Variants in TESK2 observed in about 807,000 individuals in gnomAD.
TESK2 encodes testis associated actin remodelling kinase 2, also known as dual specificity testis-specific protein kinase 2.
TESK2 carries 39 observed loss-of-function variants against 57.1 expected under a neutral mutation model. The observed-to-expected ratio is 0.68, with a 90% CI of 0.53 to 0.89. TESK2 has a LOEUF of 0.89. Among genes scored for constraint, TESK2 ranks in the 40% least tolerant of loss-of-function variants. The pLI, the probability that TESK2 is intolerant of heterozygous loss-of-function variation, is 0.00. For missense variants in TESK2, 646 were observed against 732.1 expected (o/e 0.88, Z 1.36); for synonymous variants, 249 against 267.9 (o/e 0.93, Z 0.69).
chr1:45,417,125 C>T (rs577523005), intron 3 of TESK2, among the ~76,000 whole-genome samples: 1 of 152,124 alleles, frequency 6.6e-6, no homozygotes, highest in Non-Finnish European at 1.5e-5. Flanking sequence ...TTTTAGAGTT[C>T]ATACATAAAT....
chr1:45,439,032 C>T lies in TESK2; in HGVS notation c.223-17186G>A, dbSNP rs182040800. 3.7e-4 allele frequency among the ~76,000 whole-genome samples: 56 copies of T among 152,212 alleles called. 1 individual carries two copies. The highest frequency in any genetic ancestry group is 1.1e-3 in the African/African-American group (46 of 41,538). On this transcript the variant is annotated intron_variant, in intron 2 of 10. Transcript: ENST00000372086. The stretch of plus-strand genomic sequence containing the variant: ...TGACACTGAGGCCACCGTAGAAGCA[C>T]CAGCATTTTGAGATCCAGTATCTAA...
chr1:45,467,317 T>C (rs1652590232), intron 1 of TESK2, among the ~76,000 whole-genome samples: 1 of 152,142 alleles, frequency 6.6e-6, no homozygotes. Flanking sequence ...TGCATTTAAA[T>C]TTTTTTAATT....
chr1:45,480,878 C>T (rs1049383142), intron 1 of TESK2, among the ~76,000 whole-genome samples: 1 of 151,510 alleles, frequency 6.6e-6, no homozygotes, highest in Non-Finnish European at 1.5e-5. Context: ...ATCCCAGCTA[C>T]TCAGGAGGCT....
At chr1:45,406,725 C>CA (rs1474696918) in intron 3 of TESK2, among the ~76,000 whole-genome samples, 4 of 152,100 alleles carry the variant, frequency 2.6e-5, no homozygotes, top group African/African-American at 9.7e-5. Context: ...CATGTGGTCC[C>CA]AGTCATCATG....
At chr1:45,408,818 C>T (rs1444008741) in intron 3 of TESK2, among the ~76,000 whole-genome samples, 4 of 152,052 alleles carry the variant, frequency 2.6e-5, no homozygotes, top group Non-Finnish European at 5.9e-5. Flanking sequence ...GACTATCCCC[C>T]CATCTCCTCT....
intron 3 of TESK2, among the ~76,000 whole-genome samples, chr1:45,401,057 A>C (rs1649576646): frequency 6.7e-6 from 1 of 148,598 alleles, no homozygotes; most frequent in African/African-American, 2.5e-5. Context: ...GTGAAGAAAG[A>C]GGTGTGACAT....
chr1:45,388,025 T>C (rs1392240152), intron 3 of TESK2, among the ~76,000 whole-genome samples: 1 of 152,062 alleles, frequency 6.6e-6, no homozygotes, highest in Non-Finnish European at 1.5e-5. Flanking sequence ...AATAAATTGA[T>C]TAATTAATTA....
intron 2 of TESK2, among the ~76,000 whole-genome samples, chr1:45,444,016 A>G (rs1043755051): frequency 7.9e-5 from 12 of 152,120 alleles, no homozygotes; most frequent in African/African-American, 2.9e-4. Context: ...TATCTCTACA[A>G]AAAAATTTAA....
intron 2 of TESK2, among the ~76,000 whole-genome samples, chr1:45,452,178 C>A (rs757046902): frequency 3.3e-5 from 5 of 152,074 alleles, no homozygotes; most frequent in African/African-American, 1.2e-4. Context: ...TCAGGCTGCA[C>A]AAAATTCTTC....
intron 5 of TESK2, among the ~76,000 whole-genome samples, chr1:45,350,529 A>C (rs906131578): frequency 6.6e-6 from 1 of 152,236 alleles, no homozygotes; most frequent in African/African-American, 2.4e-5. Context: ...CTAAGATTCT[A>C]CTGAAAGACT....
intron 2 of TESK2, among the ~76,000 whole-genome samples, chr1:45,434,350 A>G (rs1406174407): frequency 1.3e-5 from 2 of 152,040 alleles, no homozygotes; most frequent in African/African-American, 4.8e-5. Flanking sequence ...GCTGGGGTGC[A>G]GTGGCATGAT....
At chr1:45,477,866 T>G (rs1440953995) in intron 1 of TESK2, among the ~76,000 whole-genome samples, 2 of 152,180 alleles carry the variant, frequency 1.3e-5, no homozygotes, top group Non-Finnish European at 2.9e-5. Context: ...ACCCTTCTGA[T>G]GTAGTGTTGA....
intron 4 of TESK2, among the ~76,000 whole-genome samples, chr1:45,376,217 T>C (rs1345110631): frequency 1.1e-4 from 15 of 135,992 alleles, no homozygotes; most frequent in East Asian, 4.2e-4. Flanking sequence ...CTCTCTCTTT[T>C]TTTTTTTTTT....
chr1:45,421,745 G>A lies in TESK2; in HGVS notation c.324C>T (p.Leu108=). ...MLKEVQLMNR[L]SHPNILRFMG... ...ATTACCTAAGGATGTTGGGATGGGAGAGTCTATTCATGAGCTGTACTTCTT... is the reference window on the plus strand; with the variant it reads ...ATTACCTAAGGATGTTGGGATGGGAAAGTCTATTCATGAGCTGTACTTCTT... The change falls in exon 3 of 11, where the codon CTC becomes CTT. Residue 108 remains leucine (L), a synonymous_variant. Coordinates refer to ENST00000372086, the MANE Select transcript of TESK2 (RefSeq NM_007170.3). The A allele has an allele frequency of 6.2e-7, 1 of 1,614,078 alleles. No individual in the cohort carries two copies. The highest frequency in any genetic ancestry group is 8.5e-7 in the Non-Finnish European group (1 of 1,179,994).
chr1:45,478,587 A>G (rs1653093111), intron 1 of TESK2, among the ~76,000 whole-genome samples: 1 of 152,200 alleles, frequency 6.6e-6, no homozygotes, highest in African/African-American at 2.4e-5. Flanking sequence ...CACTCAGCCA[A>G]CATATATTTA....
At chr1:45,468,601 C>T (rs1323311891) in intron 1 of TESK2, among the ~76,000 whole-genome samples, 1 of 152,074 alleles carries the variant, frequency 6.6e-6, no homozygotes, top group Non-Finnish European at 1.5e-5. Context: ...ATGGTTTCTG[C>T]CTCTGGATTA....
chr1:45,475,209 C>CTTTTTTTTTTTTTTTTTTTTT (rs375872140), intron 1 of TESK2, among the ~76,000 whole-genome samples: 3 of 113,158 alleles, frequency 2.7e-5, no homozygotes, highest in Non-Finnish European at 5.4e-5. Flanking sequence ...TTAGCCTGGC[C>CTTTTTTTTTTTTTTTTTTTTT]TTTTTTTTTT....
chr1:45,422,649 G>T (rs976034785), intron 2 of TESK2, among the ~76,000 whole-genome samples: 1 of 150,246 alleles, frequency 6.7e-6, no homozygotes, highest in African/African-American at 2.4e-5. Context: ...TCACCATGTT[G>T]GCCAGGCTGG....
Position 45,478,789 on chromosome 1 carries a change from T to C in TESK2, c.-87+12063A>G, listed in dbSNP as rs546372480. On this transcript the variant is annotated intron_variant, in intron 1 of 10. Coordinates refer to ENST00000372086, the MANE Select transcript of TESK2 (RefSeq NM_007170.3). ...CTCAGGCTGGAGAGCAGTGGCACAA[T>C]CTCAGCTCACTGCAACCTCTGCCTC... Among the ~76,000 whole-genome samples the C allele has an allele frequency of 3.3e-5, 5 of 151,816 alleles. No individual in the cohort carries two copies. The South Asian group carries it at 1.0e-3, about 32-fold the overall frequency.
Sources: gnomAD v4.1 joint callset for allele counts (sites outside exome capture counted in the v4.1 genomes callset) on GRCh38, gnomAD v4.1.1 for gene constraint, MANE v1.5 for transcripts, NCBI Gene and HGNC (gene_info 2026-07-23, HGNC 2026-07-21) for gene names.